The following UBE4A variants were observed in gnomAD, a reference collection of about 807,000 sequenced individuals.
UBE4A encodes the protein ubiquitination factor E4A, also known as ubiquitin conjugation factor E4 A.
Under a neutral mutation model 117.9 loss-of-function variants are expected in UBE4A, and 48 were observed. The ratio of observed to expected loss-of-function variants is 0.41; its 90% CI spans 0.32 to 0.52. The LOEUF is 0.52. Among genes scored for constraint, UBE4A ranks in the 20% least tolerant of loss-of-function variants. The probability of loss-of-function intolerance (pLI) is 0.33; values close to 1 mark genes in which losing one functional copy is unlikely to be tolerated. For synonymous variants in UBE4A, 407 were observed against 450.0 expected (o/e 0.90, Z 1.21); for missense variants, 1,067 against 1,296.3 (o/e 0.82, Z 2.72).
intron 11 of UBE4A, among the ~76,000 whole-genome samples, chr11:118,380,186 AT>A (rs782382775): frequency 7.6e-4 from 111 of 145,568 alleles, no homozygotes; most frequent in Non-Finnish European, 1.3e-3. Context: ...TCAGTGAGTC[AT>A]TGAGGGGTGG....
chr11:118,382,919 C>CT (rs5795124), intron 13 of UBE4A, 143 bp downstream of exon 13: 6,856 of 484,420 alleles, frequency 0.014, no homozygotes, highest in Middle Eastern at 0.023. Context: ...ATGATAAGTG[C>CT]TTTTTTTTTT....
chr11:118,377,760 A>G (rs1381169790), intron 10 of UBE4A, among the ~76,000 whole-genome samples: 2 of 151,412 alleles, frequency 1.3e-5, no homozygotes, highest in East Asian at 2.0e-4. Flanking sequence ...AAAATATACA[A>G]AAATTAGCTG....
At chr11:118,369,608 T>A in intron 4 of UBE4A, 73 bp downstream of exon 4, 1 of 1,106,808 alleles carries the variant, frequency 9.0e-7, no homozygotes, top group Non-Finnish European at 1.4e-6. Context: ...CTCACTGTTC[T>A]CCAACTTATG....
At chr11:118,385,605 C>T (rs573080491) in intron 15 of UBE4A, among the ~76,000 whole-genome samples, 4 of 152,190 alleles carry the variant, frequency 2.6e-5, no homozygotes, top group African/African-American at 7.2e-5. Flanking sequence ...CCCATAAAAA[C>T]TTGGCTGTCT....
At position 118,371,655 on chromosome 11, in the gene UBE4A, G is replaced by A; in HGVS notation, c.550G>A (p.Ala184Thr). ...FCYLYSCFQR[A>T]KEEITKVPEN... ...TTACCTTTACTCCTGCTTCCAGAGA[G>A]CCAAGGAAGAGGTAAAGGAATAATC... Residue 184 changes from alanine (A) to threonine (T), a missense_variant, in exon 5 of 20, where the codon GCC becomes ACC. This residue lies in a region of UBE4A where 1,001 missense variants were observed against 1,184.0 expected (regional missense o/e 0.85). Coordinates refer to ENST00000252108, the MANE Select transcript of UBE4A (RefSeq NM_001204077.2). 1 of 1,612,274 alleles carries A rather than the reference G, an allele frequency of 6.2e-7. No individual in the cohort carries two copies. The highest frequency in any genetic ancestry group is 8.5e-7 in the Non-Finnish European group (1 of 1,179,878).
In UBE4A at chr11:118,384,828, A is replaced by C. The variant is rs1336533459; in HGVS notation, c.2299-4A>C. The C allele has an allele frequency of 1.2e-6, 2 of 1,613,536 alleles. No individual in the cohort carries two copies. The highest frequency in any genetic ancestry group is 1.7e-6 in the Non-Finnish European group (2 of 1,179,712). ...ATGGTTTTCTTGTGGGCTGGGACTT[A>C]CAGGATTTGGCTGACTATGCCTCTA... is the stretch of plus-strand genomic sequence containing the variant. On this transcript the variant is annotated splice_region_variant and splice_polypyrimidine_tract_variant and intron_variant, in intron 14 of 19. Transcript: ENST00000252108.
chr11:118,385,888 G>C (rs1948752628), intron 15 of UBE4A, among the ~76,000 whole-genome samples: 1 of 152,210 alleles, frequency 6.6e-6, no homozygotes, highest in South Asian at 2.1e-4. Context: ...AGAGGTGTGT[G>C]ACACAAAGCA....
chr11:118,395,104 G>A (rs550970555), intron 19 of UBE4A, among the ~76,000 whole-genome samples: 26 of 152,252 alleles, frequency 1.7e-4, no homozygotes, highest in Admixed American at 7.2e-4. Context: ...AAGGCAGGTG[G>A]ATCACCCTGA....
intron 17 of UBE4A, among the ~76,000 whole-genome samples, chr11:118,390,422 A>C (rs1948802161): frequency 6.8e-6 from 1 of 146,166 alleles, no homozygotes; most frequent in Non-Finnish European, 1.5e-5. Flanking sequence ...TATTTTATAT[A>C]ATATAATTTT....
In UBE4A at chr11:118,373,724, T is replaced by C. The variant is rs878974179; in HGVS notation, c.1116+39T>C. ...CCAGGGTATCCCAGCCCCCTGATCTTAAAAGAGTTTTCTCAGAAAGCAGAT... is the reference window on the plus strand; with the variant it reads ...CCAGGGTATCCCAGCCCCCTGATCTCAAAAGAGTTTTCTCAGAAAGCAGAT... On this transcript the variant is annotated intron_variant, in intron 8 of 19. Coordinates refer to ENST00000252108, the MANE Select transcript of UBE4A (RefSeq NM_001204077.2). 2.5e-6 allele frequency: 4 copies of C among 1,575,358 alleles called. No individual in the cohort carries two copies. The Admixed American group carries it at 7.6e-5, about 30-fold the overall frequency.
intron 1 of UBE4A, among the ~76,000 whole-genome samples, chr11:118,360,986 A>ATATG (rs1948515711): frequency 1.4e-5 from 2 of 140,874 alleles, no homozygotes; most frequent in South Asian, 2.3e-4. Context: ...GTATGTATAT[A>ATATG]TGTGTGTGTG....
chr11:118,373,724 T>G (rs878974179), intron 8 of UBE4A, 39 bp downstream of exon 8: 1 of 1,575,356 alleles, frequency 6.3e-7, no homozygotes, highest in South Asian at 1.2e-5. Context: ...CCCCTGATCT[T>G]AAAAGAGTTT....
intron 18 of UBE4A, 110 bp downstream of exon 18, chr11:118,390,914 A>T: frequency 7.1e-7 from 1 of 1,400,890 alleles, no homozygotes; most frequent in South Asian, 1.2e-5. Context: ...AGGCTAGAGG[A>T]TCACTTAAGC....
At chr11:118,373,059 C>T (rs1341174917) in intron 6 of UBE4A, 27 bp from the exon 7 acceptor site, 1 of 1,608,758 alleles carries the variant, frequency 6.2e-7, no homozygotes, top group South Asian at 1.1e-5. Context: ...TTGTGCCCTC[C>T]TTTCTCTCTC....
In UBE4A at chr11:118,379,742, A is replaced by T. The variant is rs1555125989; in HGVS notation, c.1868A>T (p.Tyr623Phe). 2 of 1,606,452 alleles carry T rather than the reference A, an allele frequency of 1.2e-6. No individual in the cohort carries two copies. Among genetic ancestry groups the T allele is most frequent in the Non-Finnish European group, 1.7e-6 (2 of 1,173,506 alleles). The change falls in exon 11 of 20, where the codon TAT becomes TTT. Residue 623 changes from tyrosine (Y) to phenylalanine (F), a missense_variant. Tyr to Phe is a conservative substitution (Grantham distance 22). Around this residue, in one of 3 missense-constraint regions of UBE4A, gnomAD observed 1,001 missense variants for 1,184.0 expected, o/e 0.85. Coordinates refer to ENST00000252108, the MANE Select transcript of UBE4A (RefSeq NM_001204077.2). ...PLPDGYSSLAYVPEFFADNLG... is the reference protein window; with the variant it reads ...PLPDGYSSLAFVPEFFADNLG... ...CCAGATGGCTACAGCTCTTTGGCTT[A>T]TGTGCCAGGTAAGCAGGCTCTCCCT...
Position 118,368,789 on chromosome 11 carries a change from A to T in UBE4A, c.280A>T (p.Ile94Phe), listed in dbSNP as rs775665706. ...TCACATGATCCAAAGGATCTTCCTT[A>T]TTACTCTGGACAACAGTGAGTTACA... ...INHMIQRIFLITLDNSDPSLK... is the reference protein window; with the variant it reads ...INHMIQRIFLFTLDNSDPSLK... The change falls in exon 3 of 20, where the codon ATT becomes TTT. Residue 94 changes from isoleucine (I) to phenylalanine (F), a missense_variant. By Grantham distance (21) the Ile-to-Phe change is conservative (BLOSUM62 0). Around this residue, in one of 3 missense-constraint regions of UBE4A, gnomAD observed 1,001 missense variants for 1,184.0 expected, o/e 0.85. Coordinates refer to ENST00000252108, the MANE Select transcript of UBE4A (RefSeq NM_001204077.2). 1 of 1,614,136 alleles carries T rather than the reference A, an allele frequency of 6.2e-7. No homozygotes were observed. The highest frequency in any genetic ancestry group is 8.5e-7 in the Non-Finnish European group (1 of 1,180,020).
intron 18 of UBE4A, among the ~76,000 whole-genome samples, chr11:118,392,099 G>T (rs565664554): frequency 1.3e-5 from 2 of 152,180 alleles, no homozygotes; most frequent in South Asian, 4.1e-4. Context: ...GTATGACAGA[G>T]CTCTATTAGC....
intron 16 of UBE4A, 85 bp from the exon 17 acceptor site, chr11:118,389,639 TC>T: frequency 8.0e-7 from 1 of 1,245,416 alleles, no homozygotes; most frequent in African/African-American, 1.5e-5. Context: ...TAACAGTAGT[TC>T]CCAGAGGTCT....
Position 118,373,536 on chromosome 11 carries a change from C to A in UBE4A, c.967C>A (p.Gln323Lys). 6.2e-7 allele frequency: 1 copy of A among 1,614,116 alleles called. No individual in the cohort carries two copies. The highest frequency in any genetic ancestry group is 1.7e-5 in the Admixed American group (1 of 60,016). The change falls in exon 8 of 20, where the codon CAA (glutamine) becomes AAA (lysine). Residue 323 changes from glutamine to lysine, a missense_variant. Gln to Lys is a moderately conservative substitution (Grantham distance 53). This residue lies in a region of UBE4A where 1,001 missense variants were observed against 1,184.0 expected (regional missense o/e 0.85). Transcript: ENST00000252108. ...TCAGCCCAAGGACCCTACCAATGGG[C>A]AAATGTACCAGAAGACCTTGCTGGG... Reference protein sequence around the residue: ...YIQPKDPTNGQMYQKTLLGVI... With the variant: ...YIQPKDPTNGKMYQKTLLGVI...
Sources: gnomAD v4.1 joint callset for allele counts (sites outside exome capture counted in the v4.1 genomes callset) on GRCh38, gnomAD v4.1.1 for gene constraint, gnomAD v4.1.1 regional missense constraint, MANE v1.5 for transcripts, NCBI Gene and HGNC (gene_info 2026-07-23, HGNC 2026-07-21) for gene names.